The following IP6K3 variants were observed in gnomAD, a reference collection of about 807,000 sequenced individuals.
IP6K3 encodes the protein ATP:1D-myo-inositol-hexakisphosphate phosphotransferase.
A neutral mutation model predicts 28.8 loss-of-function variants in IP6K3; 20 were observed. That is an observed-to-expected ratio of 0.70 (90% confidence interval 0.49 to 1.01). The LOEUF (loss-of-function observed/expected upper bound fraction) is 1.01, where lower values mean the gene tolerates loss of function less well. Ranked by LOEUF, IP6K3 falls within the 50% of genes least tolerant of loss-of-function variation. The probability of loss-of-function intolerance (pLI) is 0.00; values close to 1 mark genes in which losing one functional copy is unlikely to be tolerated. For synonymous variants in IP6K3, 213 were observed against 221.3 expected, an observed-to-expected ratio of 0.96 and a Z score of 0.33; for missense variants, 480 against 537.1, an observed-to-expected ratio of 0.89 and a Z score of 1.05.
At chr6:33,729,491 G>A (rs1195765847) in intron 2 of IP6K3, among the ~76,000 whole-genome samples, 4 of 152,188 alleles carry the variant, frequency 2.6e-5, no homozygotes, top group African/African-American at 7.2e-5. Context: ...CCAGTGGGGG[G>A]CACTGGCAGG....
the IP6K3 span, among the ~76,000 whole-genome samples, chr6:33,753,804 T>C: frequency 6.8e-3 from 1,036 of 152,000 alleles, 19 homozygotes; most frequent in African/African-American, 0.021. Context: ...GCCTTTACTT[T>C]ATTTTATTTT....
intron 3 of IP6K3, 186 bp downstream of exon 3, chr6:33,727,901 G>C: frequency 4.1e-6 from 4 of 985,372 alleles, no homozygotes; most frequent in Non-Finnish European, 4.8e-6. Flanking sequence ...CTCCCTTCTA[G>C]GAGTGACATA....
upstream of IP6K3, among the ~76,000 whole-genome samples, chr6:33,751,322 C>T (rs1767018618): frequency 6.6e-6 from 1 of 152,180 alleles, no homozygotes; most frequent in Non-Finnish European, 1.5e-5. This position sits in a 1 kb window ranked among gnomAD's most constrained non-coding sequence, Gnocchi z 4.3. Context: ...GAAGGGCCGG[C>T]CCAGACCACT....
chr6:33,747,802 A>C (rs1201310373), upstream of IP6K3, among the ~76,000 whole-genome samples: 1 of 152,120 alleles, frequency 6.6e-6, no homozygotes, highest in African/African-American at 2.4e-5. This position sits in a 1 kb window ranked among gnomAD's most constrained non-coding sequence, Gnocchi z 5.2. Flanking sequence ...TATGCCAGGA[A>C]GAGTCGGCTC....
intron 5 of IP6K3, among the ~76,000 whole-genome samples, 162 bp downstream of exon 5, chr6:33,725,279 C>T (rs1766058354): frequency 2.0e-5 from 3 of 151,832 alleles, no homozygotes; most frequent in Admixed American, 2.0e-4. Flanking sequence ...GTGTCATAGA[C>T]CAGGGTATGC....
At chr6:33,730,635 G>C (rs532313407) in intron 2 of IP6K3, among the ~76,000 whole-genome samples, 1 of 152,150 alleles carries the variant, frequency 6.6e-6, no homozygotes, top group African/African-American at 2.4e-5. Flanking sequence ...TCTTCCACCT[G>C]CTGGGTGGCA....
At position 33,735,520 on chromosome 6, in the gene IP6K3, G is replaced by T; in HGVS notation, c.-44C>A. On this transcript the variant is annotated 5_prime_UTR_variant, in exon 2 of 6. Coordinates refer to ENST00000293756, the MANE Select transcript of IP6K3 (RefSeq NM_054111.5). ...TGGGGGGTCCCTGCACAGTCTGCTA[G>T]AGGAAGGTTTGAAGTAGAAAGGGCA... is the stretch of plus-strand genomic sequence containing the variant. The T allele has an allele frequency of 6.3e-7, 1 of 1,592,358 alleles. No homozygotes were observed. The highest frequency in any genetic ancestry group is 1.3e-5 in the African/African-American group (1 of 74,832).
In IP6K3 at chr6:33,726,795, G is replaced by T. The variant is rs772732045; in HGVS notation, c.525C>A (p.Gly175=). The change falls in exon 4 of 6, where the codon GGC becomes GGA. Residue 175 remains glycine, a synonymous_variant. Transcript: ENST00000293756. ...QVERKSFNPW[G]LQCHQAHLTR... ...TCAGGTGGGCCTGGTGGCATTGCAG[G>T]CCCCACGGGTTGAAGCTCTTCCTCT... The T allele has an allele frequency of 1.4e-5, 23 of 1,612,422 alleles. No homozygotes were observed. Among genetic ancestry groups the T allele is most frequent in the East Asian group, 4.5e-5 (2 of 44,864 alleles).
At chr6:33,731,257 C>CCCCTGGCCCTGCCACACGTGA (rs1345878282) in intron 2 of IP6K3, among the ~76,000 whole-genome samples, 1 of 152,172 alleles carries the variant, frequency 6.6e-6, no homozygotes, top group East Asian at 1.9e-4. Flanking sequence ...CTCCAGCACT[C>CCCCTGGCCCTGCCACACGTGA]CCCTGGCCCT....
At chr6:33,726,385 C>T (rs908323724) in intron 4 of IP6K3, among the ~76,000 whole-genome samples, 4 of 152,292 alleles carry the variant, frequency 2.6e-5, no homozygotes, top group South Asian at 2.1e-4. Flanking sequence ...GCTGCCCCCA[C>T]GCAACATGGC....
At chr6:33,723,398 A>G (rs1386619261) in intron 5 of IP6K3, among the ~76,000 whole-genome samples, 5 of 152,240 alleles carry the variant, frequency 3.3e-5, no homozygotes, top group African/African-American at 1.2e-4. Context: ...AGTCTTTAAT[A>G]GTAATCCAAG....
chr6:33,734,429 G>C (rs1199207027), intron 2 of IP6K3, among the ~76,000 whole-genome samples: 1 of 152,178 alleles, frequency 6.6e-6, no homozygotes, highest in Non-Finnish European at 1.5e-5. Context: ...GTTTTTGACT[G>C]ACTTATTTGG....
intron 3 of IP6K3, 173 bp downstream of exon 3, chr6:33,727,914 G>C: frequency 6.1e-6 from 6 of 985,402 alleles, no homozygotes; most frequent in Non-Finnish European, 7.2e-6. Context: ...GTGACATAAA[G>C]AAAATCCATT....
In IP6K3 at chr6:33,746,357, C is replaced by G. The variant is rs1458529374; in HGVS notation, c.-180+401G>C. ...GGATGCTGCCCGCGTTTCTTGGACA[C>G]CGGCCTCTGTTAAGGGTTAACGCAG... is the stretch of plus-strand genomic sequence containing the variant. On this transcript the variant is annotated intron_variant, in intron 1 of 5. Coordinates refer to ENST00000293756, the MANE Select transcript of IP6K3 (RefSeq NM_054111.5). This position sits in a 1 kb window ranked among gnomAD's most constrained non-coding sequence, Gnocchi z 6.5. Among the ~76,000 whole-genome samples, 5 of 152,146 alleles carry G rather than the reference C, an allele frequency of 3.3e-5. No individual in the cohort carries two copies. The highest frequency in any genetic ancestry group is 1.2e-4 in the African/African-American group (5 of 41,424).
chr6:33,750,590 T>A (rs375171014), upstream of IP6K3, among the ~76,000 whole-genome samples: 1 of 152,220 alleles, frequency 6.6e-6, no homozygotes, highest in South Asian at 2.1e-4. This position sits in a 1 kb window ranked among gnomAD's most constrained non-coding sequence, Gnocchi z 4.3. Context: ...TCCTTGGGGA[T>A]GGTGACTTGG....
intron 4 of IP6K3, among the ~76,000 whole-genome samples, chr6:33,726,281 T>C (rs1451417600): frequency 6.6e-6 from 1 of 152,156 alleles, no homozygotes; most frequent in Non-Finnish European, 1.5e-5. Flanking sequence ...TCCCTCTCAC[T>C]GTGTGGGCCC....
rs1038950431 is a variant in IP6K3 at position 33,744,639 on chromosome 6, C to T, written c.-180+2119G>A. On this transcript the variant is annotated intron_variant, in intron 1 of 5. Transcript: ENST00000293756. The surrounding 1 kb of genome is among the most constrained non-coding windows in gnomAD (Gnocchi z 4.4). ...GATTAACTGGAAACTAAAGCCAGCA[C>T]CCACCTCCTCACCCAGCCACTGGGG... is the stretch of plus-strand genomic sequence containing the variant. 3.3e-5 allele frequency among the ~76,000 whole-genome samples: 5 copies of T among 152,288 alleles called. No homozygotes were observed. The highest frequency in any genetic ancestry group is 6.5e-5 in the Admixed American group (1 of 15,304).
In IP6K3 at chr6:33,728,117, T is replaced by C. The variant is rs1766184931; in HGVS notation, c.383A>G (p.His128Arg). 2 of 1,607,200 alleles carry C rather than the reference T, an allele frequency of 1.2e-6. No individual in the cohort carries two copies. Among genetic ancestry groups the C allele is most frequent in the South Asian group, 1.1e-5 (1 of 91,072 alleles). Residue 128 changes from histidine to arginine, a missense_variant, in exon 3 of 6, where the codon CAT becomes CGT. By Grantham distance (29) the His-to-Arg change is conservative. Coordinates refer to ENST00000293756, the MANE Select transcript of IP6K3 (RefSeq NM_054111.5). ...CTTGGGTGAGCGTGCCAGCTGGGCA[T>C]GCGGCCACTGGGCAAGGGTGCAGTC... is the stretch of plus-strand genomic sequence containing the variant. The part of the protein sequence containing the change: ...GSDCTLAQWP[H>R]AQLARSPKES...
At chr6:33,741,778 C>A (rs943900889) in intron 1 of IP6K3, among the ~76,000 whole-genome samples, 37 of 151,030 alleles carry the variant, frequency 2.4e-4, no homozygotes, top group Admixed American at 8.6e-4. Flanking sequence ...ATGGAGAAAC[C>A]CTGTCTCTAC....
Sources: allele counts gnomAD v4.1 joint callset (sites outside exome capture counted in the v4.1 genomes callset), GRCh38; gene constraint gnomAD v4.1.1; non-coding constraint Gnocchi (gnomAD v3.1); transcripts MANE v1.5; gene names NCBI Gene and HGNC (gene_info 2026-07-23, HGNC 2026-07-21).